RADIL: variants seen among roughly 807,000 people sequenced by gnomAD.
The protein encoded by RADIL is Rap associating with DIL domain.
A neutral mutation model predicts 97.6 loss-of-function variants in RADIL; 99 were observed. The observed-to-expected ratio is 1.01, with a 90% CI of 0.86 to 1.20. The LOEUF is 1.20. Ranked by LOEUF, RADIL falls within the 50% of genes most tolerant of loss-of-function variation. The probability of loss-of-function intolerance (pLI) is 0.00; values close to 1 mark genes in which losing one functional copy is unlikely to be tolerated. For synonymous variants in RADIL, 803 were observed against 691.8 expected (o/e 1.16, Z -2.52); for missense variants, 1,765 against 1,498.9 (o/e 1.18, Z -2.93).
Position 4,815,478 on chromosome 7 carries a change from C to A in RADIL, c.1967-28G>T. 1 of 1,469,914 alleles carries A rather than the reference C, an allele frequency of 6.8e-7. No individual in the cohort carries two copies. The allele number at this position is 1,469,914 out of a possible 1,614,324, so 91.1% of individuals were successfully genotyped here. ...GTGGAGGGAAGAAGGGAGGGTGATG[C>A]CTGGGCTGCCCTCCTGGGGGGACAC... On this transcript the variant is annotated intron_variant, in intron 8 of 14. Coordinates refer to ENST00000399583, the MANE Select transcript of RADIL (RefSeq NM_018059.5). This position sits in a 1 kb window ranked among gnomAD's most constrained non-coding sequence, Gnocchi z 8.0.
At chr7:4,804,382 G>C (rs1445935638) in intron 10 of RADIL, among the ~76,000 whole-genome samples, 2 of 152,348 alleles carry the variant, frequency 1.3e-5, no homozygotes, top group South Asian at 2.1e-4. Flanking sequence ...GCTGCGGGGG[G>C]GCATCCAAGG....
intron 2 of RADIL, among the ~76,000 whole-genome samples, chr7:4,875,726 A>C (rs1450781450): frequency 6.6e-6 from 1 of 152,238 alleles, no homozygotes. Context: ...GTTCCCGTGC[A>C]GAAAACATCC....
rs1782726385 is a variant in RADIL at position 4,818,104 on chromosome 7, C to T, written c.1616-753G>A. 6.6e-6 allele frequency among the ~76,000 whole-genome samples: 1 copy of T among 152,222 alleles called. No individual in the cohort carries two copies. Among genetic ancestry groups the T allele is most frequent in the African/African-American group, 2.4e-5 (1 of 41,472 alleles). On this transcript the variant is annotated intron_variant, in intron 6 of 14. Coordinates refer to ENST00000399583, the MANE Select transcript of RADIL (RefSeq NM_018059.5). This position sits in a 1 kb window ranked among gnomAD's most constrained non-coding sequence, Gnocchi z 7.1. ...GTGGGCGGCCAACCACAGTGGTGTT[C>T]CCTGTCAGCCGCGTGGGCGGCCACA...
Position 4,876,511 on chromosome 7 carries a change from G to C in RADIL, c.535+1094C>G, listed in dbSNP as rs111805813. Among the ~76,000 whole-genome samples, 136 of 152,252 alleles carry C rather than the reference G, an allele frequency of 8.9e-4. 1 individual carries two copies. Among genetic ancestry groups the C allele is most frequent in the Admixed American group, 3.4e-3 (52 of 15,286 alleles). On this transcript the variant is annotated intron_variant, in intron 2 of 14. Transcript: ENST00000399583. Reference sequence around the variant, plus strand: ...ATACGGGGTTTCACCATGTTGGCCAGGCTGGTCTCCAACTCCTGACCTCAG... The same window carrying C: ...ATACGGGGTTTCACCATGTTGGCCACGCTGGTCTCCAACTCCTGACCTCAG...
intron 5 of RADIL, among the ~76,000 whole-genome samples, chr7:4,825,311 A>C (rs555536418): frequency 2.0e-5 from 3 of 152,308 alleles, no homozygotes; most frequent in Admixed American, 6.5e-5. Context: ...GGAGGGAAGC[A>C]CTGGAGTCCC....
At position 4,817,960 on chromosome 7, in the gene RADIL, T is replaced by A. The variant is rs1037980842; in HGVS notation, c.1616-609A>T. On this transcript the variant is annotated intron_variant, in intron 6 of 14. Coordinates refer to ENST00000399583, the MANE Select transcript of RADIL (RefSeq NM_018059.5). The surrounding 1 kb of genome is among the most constrained non-coding windows in gnomAD (Gnocchi z 8.3). ...ACAGGGTGGAGCCTTCCCCGGGGGC[T>A]TCCAGAAAGTGAGGGAGCATGTGGT... Among the ~76,000 whole-genome samples, 6 of 152,130 alleles carry A rather than the reference T, an allele frequency of 3.9e-5. No individual in the cohort carries two copies. The highest frequency in any genetic ancestry group is 3.9e-4 in the Admixed American group (6 of 15,280).
At chr7:4,865,721 G>C (rs770885973) in intron 2 of RADIL, 15 of 1,066,564 alleles carry the variant, frequency 1.4e-5, no homozygotes, top group Admixed American at 5.1e-5. Flanking sequence ...TCTTCTACGG[G>C]GTGGGTGCAA....
intron 2 of RADIL, chr7:4,857,890 G>C (rs1004347908): frequency 6.6e-6 from 1 of 152,494 alleles, no homozygotes; most frequent in Non-Finnish European, 1.5e-5. Flanking sequence ...CTGACATTCA[G>C]GTAATAAAAA....
At chr7:4,862,736 A>G (rs1260473004) in intron 2 of RADIL, among the ~76,000 whole-genome samples, 1 of 151,704 alleles carries the variant, frequency 6.6e-6, no homozygotes, top group African/African-American at 2.4e-5. Context: ...CGTCACTACT[A>G]AAAATACAAA....
chr7:4,853,780 A>C (rs1583308782), intron 2 of RADIL, among the ~76,000 whole-genome samples: 1 of 151,698 alleles, frequency 6.6e-6, no homozygotes, highest in East Asian at 1.9e-4. Context: ...GTGTACATGG[A>C]AAGTTATTTG....
At position 4,803,753 on chromosome 7, in the gene RADIL, C is replaced by T; in HGVS notation, c.2292G>A (p.Glu764=). 1.3e-6 allele frequency: 2 copies of T among 1,559,028 alleles called. No individual in the cohort carries two copies. The highest frequency in any genetic ancestry group is 1.7e-6 in the Non-Finnish European group (2 of 1,151,774). ...AQDSPEAFRS[E]DVLESYENPP... ...GGTTTTCGTAGGACTCCAGAACATC[C>T]TCTGCAGGGGAGAGAGGATGCCCGT... The change falls in exon 11 of 15, where the codon GAG becomes GAA. Residue 764 remains glutamate (E), a splice_region_variant and synonymous_variant. Coordinates refer to ENST00000399583, the MANE Select transcript of RADIL (RefSeq NM_018059.5).
chr7:4,836,406 C>G lies in RADIL; in HGVS notation c.735G>C (p.Leu245=). 6.3e-7 allele frequency: 1 copy of G among 1,579,664 alleles called. No homozygotes were observed. The highest frequency in any genetic ancestry group is 8.6e-7 in the Non-Finnish European group (1 of 1,162,944). The part of the protein sequence containing the change: ...EPGPDAMRYS[L]YQSPHLLLLQ... The stretch of plus-strand genomic sequence containing the variant: ...GAAGGAGCAGATGCGGGGACTGGTA[C>G]AGCGAGTACCGCATGGCGTCGGGGC... Residue 245 remains leucine (L), a synonymous_variant, in exon 3 of 15, where the codon CTG becomes CTC. Coordinates refer to ENST00000399583, the MANE Select transcript of RADIL (RefSeq NM_018059.5).
chr7:4,870,807 C>G (rs1001473638), intron 2 of RADIL, among the ~76,000 whole-genome samples: 1 of 152,200 alleles, frequency 6.6e-6, no homozygotes, highest in Non-Finnish European at 1.5e-5. Flanking sequence ...GGTGTTAATG[C>G]TAAACTCTGT....
chr7:4,814,619 T>A lies in RADIL; in HGVS notation c.2139+659A>T, dbSNP rs1374537585. 3.3e-5 allele frequency among the ~76,000 whole-genome samples: 5 copies of A among 152,178 alleles called. No individual in the cohort carries two copies. The highest frequency in any genetic ancestry group is 1.2e-4 in the African/African-American group (5 of 41,436). On this transcript the variant is annotated intron_variant, in intron 9 of 14. Transcript: ENST00000399583. The surrounding 1 kb of genome is among the most constrained non-coding windows in gnomAD (Gnocchi z 4.5). ...AGGGAGGGGCATGTCGGTTTCCCAT[T>A]GCCGTTGTGACAAATGCCCACACGC...
intron 12 of RADIL, among the ~76,000 whole-genome samples, 170 bp downstream of exon 12, chr7:4,801,483 G>T (rs1225122876): frequency 6.6e-6 from 1 of 152,224 alleles, no homozygotes; most frequent in African/African-American, 2.4e-5. Context: ...GCTGCTGGGG[G>T]CTGAGCAGCC....
chr7:4,825,474 AT>A (rs1467696100), intron 5 of RADIL, among the ~76,000 whole-genome samples: 2 of 152,202 alleles, frequency 1.3e-5, no homozygotes, highest in African/African-American at 4.8e-5. Context: ...GGTCAGCCAC[AT>A]CCACCCACCT....
intron 2 of RADIL, chr7:4,859,737 A>G (rs17135241): frequency 0.11 from 65,909 of 592,040 alleles, 4,065 homozygotes; most frequent in African/African-American, 0.16. Context: ...GGGATACCGG[A>G]AAGATCTATA....
chr7:4,857,433 G>A (rs565915683), intron 2 of RADIL, among the ~76,000 whole-genome samples: 3 of 152,288 alleles, frequency 2.0e-5, no homozygotes, highest in South Asian at 4.1e-4. Context: ...ATTTATTGTA[G>A]TGACAGTTAT....
At position 4,801,697 on chromosome 7, in the gene RADIL, C is replaced by G. The variant is rs766597809; in HGVS notation, c.2798G>C (p.Arg933Thr). The part of the protein sequence containing the change: ...GGPCGKALPE[R>T]QRNGLSGLRG... ...GAGGCCGCTGAGTCCGTTCCTCTGC[C>G]TCTCTGGGAGCGCTTTTCCACAGGG... The change falls in exon 12 of 15, where the codon AGG becomes ACG. Residue 933 changes from arginine to threonine, a missense_variant. Arg to Thr is a moderately conservative substitution (Grantham distance 71). Transcript: ENST00000399583. The G allele has an allele frequency of 2.4e-5, 39 of 1,609,346 alleles. No individual in the cohort carries two copies. The highest frequency in any genetic ancestry group is 4.0e-5 in the African/African-American group (3 of 74,876).
Sources: gnomAD v4.1 joint callset for allele counts (sites outside exome capture counted in the v4.1 genomes callset) on GRCh38, gnomAD v4.1.1 for gene constraint, Gnocchi (gnomAD v3.1) non-coding constraint, MANE v1.5 for transcripts, NCBI Gene and HGNC (gene_info 2026-07-23, HGNC 2026-07-21) for gene names.